CFAP53: variants seen among roughly 807,000 people sequenced by gnomAD.
CFAP53 encodes cilia- and flagella-associated protein 53.
CFAP53 carries 62 observed loss-of-function variants against 59.7 expected under a neutral mutation model. That is an observed-to-expected ratio of 1.04 (90% CI 0.85 to 1.28). CFAP53 has a LOEUF of 1.28. Ranked by LOEUF, CFAP53 falls within the 50% of genes most tolerant of loss-of-function variation. The pLI, the probability that CFAP53 is intolerant of heterozygous loss-of-function variation, is 0.00. For missense variants in CFAP53, 629 were observed against 615.6 expected, an observed-to-expected ratio of 1.02 and a Z score of -0.23; for synonymous variants, 218 against 205.7, an observed-to-expected ratio of 1.06 and a Z score of -0.51.
At chr18:50,228,870 G>A (rs1250400219) in intron 7 of CFAP53, among the ~76,000 whole-genome samples, 1 of 151,940 alleles carries the variant, frequency 6.6e-6, no homozygotes, top group African/African-American at 2.4e-5. Context: ...CACCTTAGGA[G>A]CCCAAGACAG....
intron 5 of CFAP53, among the ~76,000 whole-genome samples, chr18:50,250,074 C>T (rs1264682507): frequency 6.6e-6 from 1 of 152,004 alleles, no homozygotes; most frequent in Non-Finnish European, 1.5e-5. Context: ...CATAAATTAG[C>T]CAGGCTAGGT....
chr18:50,260,866 G>A (rs747388614), intron 3 of CFAP53, among the ~76,000 whole-genome samples, 198 bp downstream of exon 3: 17 of 152,130 alleles, frequency 1.1e-4, no homozygotes, highest in Non-Finnish European at 2.2e-4. Context: ...TTCTAATTGA[G>A]AAGCAAGCAC....
chr18:50,259,108 C>T (rs2033869260), intron 3 of CFAP53, among the ~76,000 whole-genome samples: 1 of 151,948 alleles, frequency 6.6e-6, no homozygotes, highest in Admixed American at 6.6e-5. Context: ...GAGTATAGGC[C>T]CAAAAGAAAG....
chr18:50,229,378 C>T (rs190192515), intron 7 of CFAP53, among the ~76,000 whole-genome samples: 2 of 152,236 alleles, frequency 1.3e-5, no homozygotes, highest in Admixed American at 6.5e-5. Flanking sequence ...GCATAATGTC[C>T]TCCAGGTTCA....
intron 3 of CFAP53, among the ~76,000 whole-genome samples, chr18:50,253,018 C>CTT (rs1202677473): frequency 7.0e-6 from 1 of 142,212 alleles, no homozygotes; most frequent in Non-Finnish European, 1.6e-5. Flanking sequence ...GACCCTGTTT[C>CTT]TTTTTTTTTT....
At chr18:50,243,609 C>A (rs1181900181) in intron 5 of CFAP53, among the ~76,000 whole-genome samples, 1 of 152,158 alleles carries the variant, frequency 6.6e-6, no homozygotes, top group African/African-American at 2.4e-5. Context: ...TTTATTACAG[C>A]AATTCTCAAT....
chr18:50,263,756 G>C (rs2144439251), intron 1 of CFAP53, among the ~76,000 whole-genome samples: 1 of 152,326 alleles, frequency 6.6e-6, no homozygotes, highest in Non-Finnish European at 1.5e-5. Flanking sequence ...AGTAAATCTA[G>C]AAACACTGGC....
At chr18:50,253,018 CTTTT>C (rs1202677473) in intron 3 of CFAP53, among the ~76,000 whole-genome samples, 1 of 142,220 alleles carries the variant, frequency 7.0e-6, no homozygotes, top group African/African-American at 2.6e-5. Flanking sequence ...GACCCTGTTT[CTTTT>C]TTTTTTTTTT....
intron 1 of CFAP53, among the ~76,000 whole-genome samples, chr18:50,262,755 T>C (rs2033907383): frequency 6.6e-6 from 1 of 152,168 alleles, no homozygotes; most frequent in South Asian, 2.1e-4. Context: ...TGTGTATATA[T>C]ATGTGTATAT....
intron 5 of CFAP53, among the ~76,000 whole-genome samples, chr18:50,249,953 T>C (rs1184547255): frequency 1.3e-5 from 2 of 152,282 alleles, no homozygotes; most frequent in South Asian, 2.1e-4. Flanking sequence ...CCAGGCACAG[T>C]AGTTCACACC....
intron 3 of CFAP53, among the ~76,000 whole-genome samples, chr18:50,257,591 C>T (rs2586564): frequency 0.059 from 9,035 of 152,210 alleles, 379 homozygotes; most frequent in Middle Eastern, 0.095. Flanking sequence ...CCATAAAACA[C>T]TGATGAAAGA....
At chr18:50,257,940 G>T (rs529983527) in intron 3 of CFAP53, among the ~76,000 whole-genome samples, 20 of 152,286 alleles carry the variant, frequency 1.3e-4, no homozygotes, top group African/African-American at 4.6e-4. Flanking sequence ...TGAGGCAGGA[G>T]AACTGCTTGA....
chr18:50,227,788 T>C (rs946249637), intron 7 of CFAP53, among the ~76,000 whole-genome samples, 179 bp from the exon 8 acceptor site: 1 of 152,022 alleles, frequency 6.6e-6, no homozygotes, highest in East Asian at 1.9e-4. Context: ...TAATCATTAA[T>C]ATAATCCTAG....
intron 7 of CFAP53, among the ~76,000 whole-genome samples, chr18:50,237,326 AAAAATAT>A (rs2033644550): frequency 3.9e-5 from 1 of 25,730 alleles, no homozygotes; most frequent in Non-Finnish European, 8.4e-5. Context: ...AAAAAAAAAA[AAAAATAT>A]ATATATATAT....
intron 5 of CFAP53, among the ~76,000 whole-genome samples, chr18:50,245,538 G>C (rs2033736346): frequency 6.6e-6 from 1 of 151,906 alleles, no homozygotes; most frequent in Non-Finnish European, 1.5e-5. Context: ...GTTATACTTA[G>C]GAATAAATTT....
chr18:50,240,881 TCCATTGGG>T (rs1239161292), intron 6 of CFAP53, among the ~76,000 whole-genome samples: 1 of 152,140 alleles, frequency 6.6e-6, no homozygotes, highest in African/African-American at 2.4e-5. Context: ...GCCGCTCTGG[TCCATTGGG>T]CTGGACATGG....
chr18:50,227,548 G>A lies in CFAP53; in HGVS notation c.1378C>T (p.Gln460Ter). 1 of 1,614,172 alleles carries A rather than the reference G, an allele frequency of 6.2e-7. No homozygotes were observed. Residue 460 changes from glutamine (Q) to a stop codon, truncating the protein, a stop_gained, in exon 8 of 8, where the codon CAG (glutamine) becomes TAG (stop). Coordinates refer to ENST00000398545, the MANE Select transcript of CFAP53 (RefSeq NM_145020.5). LOFTEE classifies it low-confidence loss of function (END_TRUNC). ...QLQMQIAYQQ[Q>*]SQEAEKEEKR... Reference sequence around the variant, plus strand: ...TCTTCCTTCTCTGCTTCTTGGGACTGCTGCTGGTAGGCGATTTGCATCTGA... The same window carrying A: ...TCTTCCTTCTCTGCTTCTTGGGACTACTGCTGGTAGGCGATTTGCATCTGA...
Position 50,240,729 on chromosome 18 carries a change from C to T in CFAP53, c.1214-2024G>A, listed in dbSNP as rs185149257. Among the ~76,000 whole-genome samples the T allele has an allele frequency of 7.9e-5, 12 of 152,276 alleles. No homozygotes were observed. The East Asian group carries it at 1.7e-3, about 22-fold the overall frequency. On this transcript the variant is annotated intron_variant, in intron 6 of 7. Coordinates refer to ENST00000398545, the MANE Select transcript of CFAP53 (RefSeq NM_145020.5). ...CTTTCTACGCAGTTTCTAAAAGTTCCATCTAATATTGGCTTAACAATTTTC... is the reference window on the plus strand; with the variant it reads ...CTTTCTACGCAGTTTCTAAAAGTTCTATCTAATATTGGCTTAACAATTTTC...
At chr18:50,247,465 A>C (rs2033756113) in intron 5 of CFAP53, among the ~76,000 whole-genome samples, 2 of 152,242 alleles carry the variant, frequency 1.3e-5, no homozygotes, top group South Asian at 4.1e-4. Flanking sequence ...TACATGCCCC[A>C]AAGAAAAATA....
Sources: allele counts gnomAD v4.1 joint callset (sites outside exome capture counted in the v4.1 genomes callset), GRCh38; gene constraint gnomAD v4.1.1; transcripts MANE v1.5; gene names NCBI Gene and HGNC (gene_info 2026-07-23, HGNC 2026-07-21).